OPN1SW: variants seen among roughly 807,000 people sequenced by gnomAD.
OPN1SW encodes short-wave-sensitive opsin 1.
In OPN1SW, 25 loss-of-function variants were observed where a neutral mutation model predicts 31.9. The observed-to-expected ratio is 0.78, with a 90% CI of 0.57 to 1.09. The LOEUF (loss-of-function observed/expected upper bound fraction) is 1.09, where lower values mean the gene tolerates loss of function less well. Among genes scored for constraint, OPN1SW ranks in the 50% least tolerant of loss-of-function variants. The pLI, the probability that OPN1SW is intolerant of heterozygous loss-of-function variation, is 0.00. For missense variants in OPN1SW, 424 were observed against 448.0 expected (o/e 0.95, Z 0.48); for synonymous variants, 190 against 171.9 (o/e 1.11, Z -0.82).
At chr7:128,772,777 G>A in intron 4 of OPN1SW, 118 bp from the exon 5 acceptor site, 1 of 1,397,280 alleles carries the variant, frequency 7.2e-7, no homozygotes, top group Middle Eastern at 2.0e-4. Flanking sequence ...AATGCCCTTA[G>A]GTGGTTTTGA....
In OPN1SW at chr7:128,775,709, TGTG is replaced by T; in HGVS notation, c.70_72del (p.His24del). On this transcript the variant is annotated inframe_deletion, in exon 1 of 5. Coordinates refer to ENST00000249389, the MANE Select transcript of OPN1SW (RefSeq NM_001385125.1). The stretch of plus-strand genomic sequence containing the variant: ...AGGTAGAAGGCCCAGACAGGGGCAA[TGTG>T]GTACTGAGGCCCATCCCACGGCCCC... The T allele has an allele frequency of 6.2e-7, 1 of 1,614,132 alleles. No individual in the cohort carries two copies. The highest frequency in any genetic ancestry group is 8.5e-7 in the Non-Finnish European group (1 of 1,180,024).
At position 128,772,648 on chromosome 7, in the gene OPN1SW, G is replaced by A; in HGVS notation, c.930C>T (p.Cys310=). 6.2e-7 allele frequency: 1 copy of A among 1,614,110 alleles called. No homozygotes were observed. Among genetic ancestry groups the A allele is most frequent in the Non-Finnish European group, 8.5e-7 (1 of 1,179,974 alleles). The part of the protein sequence containing the change: ...YCFMNKQFQA[C]IMKMVCGKAM... ...CCTTCCCACACACCATCTTCATGATGCAAGCTTGGAACTGGAGAGAAAGGT... is the reference window on the plus strand; with the variant it reads ...CCTTCCCACACACCATCTTCATGATACAAGCTTGGAACTGGAGAGAAAGGT... Residue 310 remains cysteine (C), a synonymous_variant, in exon 5 of 5, where the codon TGC becomes TGT. Coordinates refer to ENST00000249389, the MANE Select transcript of OPN1SW (RefSeq NM_001385125.1).
chr7:128,774,692 G>T (rs1418890964), intron 2 of OPN1SW, 29 bp from the exon 3 acceptor site: 1 of 1,613,052 alleles, frequency 6.2e-7, no homozygotes, highest in African/African-American at 1.3e-5. Context: ...TTGCTCACTG[G>T]ACTCTCCACA....
chr7:128,772,509 T>G lies in OPN1SW; in HGVS notation c.*31A>C, dbSNP rs1262328678. On this transcript the variant is annotated 3_prime_UTR_variant, in exon 5 of 5. Coordinates refer to ENST00000249389, the MANE Select transcript of OPN1SW (RefSeq NM_001385125.1). The stretch of plus-strand genomic sequence containing the variant: ...CTTACTTAAAAGTAAAATTTAATTC[T>G]AGCTGTTGCAAACAGGCCAATATTG... 3.1e-6 allele frequency: 5 copies of G among 1,613,934 alleles called. No individual in the cohort carries two copies. Among genetic ancestry groups the G allele is most frequent in the Non-Finnish European group, 4.2e-6 (5 of 1,179,800 alleles).
At chr7:128,772,983 T>C (rs1485462569) in intron 4 of OPN1SW, among the ~76,000 whole-genome samples, 6 of 152,224 alleles carry the variant, frequency 3.9e-5, no homozygotes, top group African/African-American at 1.4e-4. Context: ...CTGCCAATTC[T>C]CTTCTATCCA....
chr7:128,772,734 TCAC>T, intron 4 of OPN1SW, 75 bp from the exon 5 acceptor site: 1 of 1,592,940 alleles, frequency 6.3e-7, no homozygotes, highest in South Asian at 1.1e-5. Flanking sequence ...ATTCTCTGTA[TCAC>T]CAAAGCCTTG....
intron 2 of OPN1SW, 67 bp from the exon 3 acceptor site, chr7:128,774,730 G>A (rs532162623): frequency 1.2e-6 from 2 of 1,601,116 alleles, no homozygotes; most frequent in Non-Finnish European, 1.7e-6. Context: ...GAGATGCCTG[G>A]ATTGTGTTCT....
rs779670884 is a variant in OPN1SW, at chr7:128,773,674, A to G, written c.893T>C (p.Ile298Thr). 1.9e-6 allele frequency: 3 copies of G among 1,614,252 alleles called. No homozygotes were observed. In the South Asian group the frequency reaches 3.3e-5, roughly 18 times the overall value. The change falls in exon 4 of 5, where the codon ATC (isoleucine) becomes ACC (threonine). Residue 298 changes from isoleucine to threonine, a missense_variant. By Grantham distance (89) the Ile-to-Thr change is moderately conservative. Coordinates refer to ENST00000249389, the MANE Select transcript of OPN1SW (RefSeq NM_001385125.1). ...CTGCTTATTCATGAAGCAGTAGATG[A>G]TGGGATTGTAGATGCAAGCACTCTT... ...FSKSACIYNP[I>T]IYCFMNKQFQ...
intron 1 of OPN1SW, 140 bp downstream of exon 1, chr7:128,775,299 C>T: frequency 7.8e-7 from 1 of 1,284,304 alleles, no homozygotes; most frequent in African/African-American, 1.5e-5. Flanking sequence ...CTATTTTAGC[C>T]AAACTTCTAG....
At position 128,773,879 on chromosome 7, in the gene OPN1SW, G is replaced by T. The variant is rs1801693872; in HGVS notation, c.688C>A (p.Gln230Lys). ...LLRALKAVAA[Q>K]QQESATTQKA... ...TGGGTCGTAGCTGACTCCTGCTGCT[G>T]AGCTGCAACCTGGGGTGGAGCACGG... is the stretch of plus-strand genomic sequence containing the variant. Residue 230 changes from glutamine to lysine, a missense_variant, in exon 4 of 5, where the codon CAG becomes AAG. Gln to Lys is a moderately conservative substitution (Grantham distance 53). Coordinates refer to ENST00000249389, the MANE Select transcript of OPN1SW (RefSeq NM_001385125.1). 1.2e-6 allele frequency: 2 copies of T among 1,610,844 alleles called. No homozygotes were observed. Among genetic ancestry groups the T allele is most frequent in the Non-Finnish European group, 1.7e-6 (2 of 1,179,962 alleles).
rs549986983 is a variant in OPN1SW, at chr7:128,774,439, TCTTC to T, written c.678+55_678+58del. The T allele has an allele frequency of 3.4e-5, 54 of 1,602,868 alleles. No individual in the cohort carries two copies. The South Asian group carries it at 5.1e-4, about 15-fold the overall frequency. Reference sequence around the variant, plus strand: ...CCAGGCATCTTATGTTTCAGAGCACTCTTCCTTCTCATGTGGAGCCCCGAACCCC... The same window carrying T: ...CCAGGCATCTTATGTTTCAGAGCACTCTTCTCATGTGGAGCCCCGAACCCC... On this transcript the variant is annotated intron_variant, in intron 3 of 4. Coordinates refer to ENST00000249389, the MANE Select transcript of OPN1SW (RefSeq NM_001385125.1).
rs748309609 is a variant in OPN1SW, at chr7:128,774,582, C to T, written c.594G>A (p.Thr198=). ...TGAAGCAGAAGATGAAGAGGAACCA[C>T]GTATAGGACTCGCTGCGGTATTTGG... The part of the protein sequence containing the change: ...VGTKYRSESY[T]WFLFIFCFIV... The change falls in exon 3 of 5, where the codon ACG becomes ACA. Residue 198 remains threonine (T), a synonymous_variant. Coordinates refer to ENST00000249389, the MANE Select transcript of OPN1SW (RefSeq NM_001385125.1). 42 of 1,614,002 alleles carry T rather than the reference C, an allele frequency of 2.6e-5. No homozygotes were observed. The highest frequency in any genetic ancestry group is 1.6e-4 in the Middle Eastern group (1 of 6,084).
At chr7:128,773,952 T>C in intron 3 of OPN1SW, 64 bp from the exon 4 acceptor site, 1 of 1,532,148 alleles carries the variant, frequency 6.5e-7, no homozygotes, top group Non-Finnish European at 8.7e-7. Context: ...GCTTTTTTTT[T>C]TTTTTTTTAA....
intron 2 of OPN1SW, 53 bp from the exon 3 acceptor site, chr7:128,774,716 A>G (rs1801721330): frequency 6.2e-7 from 1 of 1,608,730 alleles, no homozygotes; most frequent in East Asian, 2.2e-5. Context: ...GTGCAGTGGG[A>G]GCTGAGATGC....
rs200879306 is a variant in OPN1SW at position 128,773,103 on chromosome 7, G to C, written c.919-444C>G. Among the ~76,000 whole-genome samples the C allele has an allele frequency of 2.0e-5, 3 of 152,316 alleles. No homozygotes were observed. In the East Asian group the frequency reaches 5.8e-4, roughly 29 times the overall value. On this transcript the variant is annotated intron_variant, in intron 4 of 4. Transcript: ENST00000249389. Reference sequence around the variant, plus strand: ...TTGGTGTTTATTAGCTCGGATTTCAGATGGGATAGGAAATCCCCCAGTACC... The same window carrying C: ...TTGGTGTTTATTAGCTCGGATTTCACATGGGATAGGAAATCCCCCAGTACC...
Position 128,775,101 on chromosome 7 carries a change from T to G in OPN1SW, c.397A>C (p.Ile133Leu). The change falls in exon 2 of 5, where the codon ATC becomes CTC. Residue 133 changes from isoleucine (I) to leucine (L), a missense_variant. By Grantham distance (5) the Ile-to-Leu change is conservative. Transcript: ENST00000249389. Reference sequence around the variant, plus strand: ...CGGAAGTTGCCGAAGGGCTTACAGATGACAATGTAGCGCTCAAAGGCCAGG... The same window carrying G: ...CGGAAGTTGCCGAAGGGCTTACAGAGGACAATGTAGCGCTCAAAGGCCAGG... ...AFLAFERYIV[I>L]CKPFGNFRFS... The G allele has an allele frequency of 6.2e-7, 1 of 1,614,152 alleles. No individual in the cohort carries two copies. The highest frequency in any genetic ancestry group is 8.5e-7 in the Non-Finnish European group (1 of 1,180,028).
chr7:128,775,092 G>T lies in OPN1SW; in HGVS notation c.406C>A (p.Pro136Thr). Residue 136 changes from proline to threonine, a missense_variant, in exon 2 of 5, where the codon CCC becomes ACC. Physicochemically the swap from Pro to Thr is conservative, Grantham distance 38. Transcript: ENST00000249389. Reference protein sequence around the residue: ...AFERYIVICKPFGNFRFSSKH... With the variant: ...AFERYIVICKTFGNFRFSSKH... ...GAGCTGAAGCGGAAGTTGCCGAAGG[G>T]CTTACAGATGACAATGTAGCGCTCA... 1.2e-6 allele frequency: 2 copies of T among 1,614,194 alleles called. No individual in the cohort carries two copies.
Position 128,772,605 on chromosome 7 carries a change from C to G in OPN1SW, c.973G>C (p.Asp325His), listed in dbSNP as rs545093905. 3.1e-6 allele frequency: 5 copies of G among 1,614,168 alleles called. No individual in the cohort carries two copies. The highest frequency in any genetic ancestry group is 2.5e-6 in the Non-Finnish European group (3 of 1,180,016). The change falls in exon 5 of 5, where the codon GAC becomes CAC. Residue 325 changes from aspartate (D) to histidine (H), a missense_variant. By Grantham distance (81) the Asp-to-His change is moderately conservative (BLOSUM62 -1). Transcript: ENST00000249389. ...VCGKAMTDES[D>H]TCSSQKTEVS... ...TCTGTTTTCTGGGAGCTGCATGTGT[C>G]GGATTCATCTGTCATGGCCTTCCCA...
chr7:128,774,819 C>G (rs150488588), intron 2 of OPN1SW, among the ~76,000 whole-genome samples, 156 bp from the exon 3 acceptor site: 3 of 152,332 alleles, frequency 2.0e-5, no homozygotes, highest in African/African-American at 7.2e-5. Context: ...TACAGCAATT[C>G]CAACTGCAGA....
Sources: gnomAD v4.1 joint callset for allele counts (sites outside exome capture counted in the v4.1 genomes callset) on GRCh38, gnomAD v4.1.1 for gene constraint, MANE v1.5 for transcripts, NCBI Gene and HGNC (gene_info 2026-07-23, HGNC 2026-07-21) for gene names.